TMEM132D: variants seen among roughly 807,000 people sequenced by gnomAD.
The protein encoded by TMEM132D is transmembrane protein 132D.
In TMEM132D, 21 loss-of-function variants were observed where a neutral mutation model predicts 62.3. The ratio of observed to expected loss-of-function variants is 0.34; its 90% CI spans 0.24 to 0.49. The LOEUF (loss-of-function observed/expected upper bound fraction) is 0.49, where lower values mean the gene tolerates loss of function less well. Ranked by LOEUF, TMEM132D falls within the 20% of genes least tolerant of loss-of-function variation. The pLI, the probability that TMEM132D is intolerant of heterozygous loss-of-function variation, is 0.99. For missense variants in TMEM132D, 1,346 were observed against 1,402.8 expected (o/e 0.96, Z 0.65); for synonymous variants, 621 against 575.6 (o/e 1.08, Z -1.13).
At chr12:129,678,529 C>A (rs1223435182) in intron 2 of TMEM132D, among the ~76,000 whole-genome samples, 3 of 152,112 alleles carry the variant, frequency 2.0e-5, no homozygotes, top group Non-Finnish European at 2.9e-5. Flanking sequence ...ATTTGAACAA[C>A]AGCCATTCTT....
chr12:129,830,037 G>T (rs1872780586), intron 1 of TMEM132D, among the ~76,000 whole-genome samples: 1 of 152,134 alleles, frequency 6.6e-6, no homozygotes, highest in African/African-American at 2.4e-5. Context: ...GATACAGAGT[G>T]GCACAGAGCT....
At chr12:129,088,167 G>T (rs1175567957) in intron 5 of TMEM132D, among the ~76,000 whole-genome samples, 11 of 32,070 alleles carry the variant, frequency 3.4e-4, no homozygotes, top group Non-Finnish European at 6.0e-4. Context: ...TGTCCTCCCT[G>T]ACCGGGTGTC....
chr12:129,246,213 T>C (rs904983230), intron 4 of TMEM132D, among the ~76,000 whole-genome samples: 1 of 152,142 alleles, frequency 6.6e-6, no homozygotes, highest in African/African-American at 2.4e-5. Context: ...CTTCTACACA[T>C]ACTCAACATC....
intron 7 of TMEM132D, 102 bp from the exon 8 acceptor site, chr12:129,078,827 CAT>C: frequency 1.7e-6 from 2 of 1,191,284 alleles, no homozygotes; most frequent in Middle Eastern, 4.4e-4. Flanking sequence ...GGCAGGGCAA[CAT>C]GTGAGCCAGA....
At chr12:129,846,018 T>C (rs9943767) in intron 1 of TMEM132D, among the ~76,000 whole-genome samples, 44,005 of 152,078 alleles carry the variant, frequency 0.29, 6,572 homozygotes, top group East Asian at 0.59. Flanking sequence ...GAGGCAGCTT[T>C]TGGGTGTTAC....
intron 2 of TMEM132D, among the ~76,000 whole-genome samples, chr12:129,563,026 T>A (rs1180460379): frequency 6.6e-6 from 1 of 152,208 alleles, no homozygotes; most frequent in Non-Finnish European, 1.5e-5. Flanking sequence ...AGCGCCTTTA[T>A]CTGTATACTT....
chr12:129,426,837 G>A (rs1259206126), intron 3 of TMEM132D, among the ~76,000 whole-genome samples: 1 of 152,248 alleles, frequency 6.6e-6, no homozygotes, highest in Non-Finnish European at 1.5e-5. Flanking sequence ...GGAGGTGGCA[G>A]AAGCGGGAGC....
chr12:129,228,564 C>T (rs1314741092), intron 4 of TMEM132D, among the ~76,000 whole-genome samples: 1 of 152,144 alleles, frequency 6.6e-6, no homozygotes, highest in African/African-American at 2.4e-5. Context: ...TACTTTCTGT[C>T]TGCCTGAATT....
At chr12:129,451,158 T>TC (rs1192118489) in intron 3 of TMEM132D, among the ~76,000 whole-genome samples, 1 of 150,340 alleles carries the variant, frequency 6.7e-6, no homozygotes, top group African/African-American at 2.5e-5. Context: ...TGCTGCCCTC[T>TC]CAGAAATGCT....
rs869098367 is a variant in TMEM132D at position 129,385,085 on chromosome 12, CTTTTT to C, written c.1116-47273_1116-47269del. 2.9e-3 allele frequency among the ~76,000 whole-genome samples: 248 copies of C among 86,892 alleles called. 1 individual carries two copies. The highest frequency in any genetic ancestry group is 0.014 in the Middle Eastern group (2 of 146). The allele number at this position is 86,892 out of a possible 152,430, so 57.0% of individuals were successfully genotyped here. A position where few individuals can be genotyped will look rare whatever the true frequency, so the allele number is the denominator to read the frequency against. ...ATGAGCATTTTACACTGTTAAAGTT[CTTTTT>C]TTTTTTTTTTTTTTTTTTTTTGAGA... is the stretch of plus-strand genomic sequence containing the variant. On this transcript the variant is annotated intron_variant, in intron 3 of 8. Coordinates refer to ENST00000422113, the MANE Select transcript of TMEM132D (RefSeq NM_133448.3).
At chr12:129,618,955 C>T (rs533072193) in intron 2 of TMEM132D, among the ~76,000 whole-genome samples, 3 of 152,294 alleles carry the variant, frequency 2.0e-5, no homozygotes, top group African/African-American at 7.2e-5. Flanking sequence ...GGATTAAAAA[C>T]TTTCTGATTG....
intron 3 of TMEM132D, among the ~76,000 whole-genome samples, chr12:129,367,777 C>CTTTTTTTTTTTTTTTTTTTT (rs60004106): frequency 8.2e-6 from 1 of 122,300 alleles, no homozygotes; most frequent in Non-Finnish European, 1.7e-5. Flanking sequence ...CATTTCTTTT[C>CTTTTTTTTTTTTTTTTTTTT]TTTTTTTTTT....
chr12:129,074,873 T>C lies in TMEM132D; in HGVS notation c.2302A>G (p.Lys768Glu), dbSNP rs2135605012. The change falls in exon 9 of 9, where the codon AAG becomes GAG. Residue 768 changes from lysine (K) to glutamate (E), a missense_variant. Coordinates refer to ENST00000422113, the MANE Select transcript of TMEM132D (RefSeq NM_133448.3). ...AETEGQGTLV[K>E]VEMVISESCQ... The stretch of plus-strand genomic sequence containing the variant: ...GATTCACTAATAACCATTTCCACCT[T>C]GACCAGGGTGCCTTGTCCTTCTGTT... 7 of 1,614,068 alleles carry C rather than the reference T, an allele frequency of 4.3e-6. No individual in the cohort carries two copies. Among genetic ancestry groups the C allele is most frequent in the Non-Finnish European group, 5.1e-6 (6 of 1,180,026 alleles).
chr12:129,809,446 G>A (rs1221686189), intron 1 of TMEM132D, among the ~76,000 whole-genome samples: 1 of 152,078 alleles, frequency 6.6e-6, no homozygotes, highest in African/African-American at 2.4e-5. Flanking sequence ...ACCCTGGGGT[G>A]CCAGCTGGGA....
At chr12:129,831,568 C>T (rs1007212571) in intron 1 of TMEM132D, among the ~76,000 whole-genome samples, 3 of 152,196 alleles carry the variant, frequency 2.0e-5, no homozygotes, top group African/African-American at 7.2e-5. Flanking sequence ...AGACGACACA[C>T]GTGAATGCTT....
At chr12:129,484,773 A>G (rs975034371) in intron 3 of TMEM132D, among the ~76,000 whole-genome samples, 4 of 152,236 alleles carry the variant, frequency 2.6e-5, no homozygotes, top group Admixed American at 6.5e-5. Flanking sequence ...ACACCCAAAC[A>G]CAGCTATCTT....
intron 5 of TMEM132D, among the ~76,000 whole-genome samples, chr12:129,201,766 G>A (rs575182145): frequency 2.8e-4 from 42 of 152,260 alleles, no homozygotes; most frequent in African/African-American, 9.6e-4. Flanking sequence ...AGAAAGATTG[G>A]GGGTAGGGGG....
At chr12:129,116,132 G>C (rs1875883950) in intron 5 of TMEM132D, among the ~76,000 whole-genome samples, 1 of 152,224 alleles carries the variant, frequency 6.6e-6, no homozygotes, top group African/African-American at 2.4e-5. Context: ...GAGAAGTCTA[G>C]GGTTTGTCTC....
chr12:129,886,801 G>A (rs568162865), intron 1 of TMEM132D, among the ~76,000 whole-genome samples: 1 of 152,210 alleles, frequency 6.6e-6, no homozygotes, highest in East Asian at 1.9e-4. Flanking sequence ...CCTGAATCAT[G>A]AGGGTGGTTA....
Sources: allele counts gnomAD v4.1 joint callset (sites outside exome capture counted in the v4.1 genomes callset), GRCh38; gene constraint gnomAD v4.1.1; transcripts MANE v1.5; gene names NCBI Gene and HGNC (gene_info 2026-07-23, HGNC 2026-07-21).